The following GDPD4 variants were observed in gnomAD, a reference collection of about 807,000 sequenced individuals.
The protein encoded by GDPD4 is glycerophosphodiester phosphodiesterase 6.
GDPD4 carries 60 observed loss-of-function variants against 67.8 expected under a neutral mutation model. The ratio of observed to expected loss-of-function variants is 0.88; its 90% confidence interval spans 0.72 to 1.10. The LOEUF (loss-of-function observed/expected upper bound fraction) is 1.10. Ranked by LOEUF, GDPD4 falls within the 50% of genes least tolerant of loss-of-function variation. The probability of loss-of-function intolerance (pLI) is 0.00; values close to 1 mark genes in which losing one functional copy is unlikely to be tolerated. For synonymous variants in GDPD4, 212 were observed against 210.9 expected, an observed-to-expected ratio of 1.00 and a Z score of -0.04; for missense variants, 623 against 613.9, an observed-to-expected ratio of 1.01 and a Z score of -0.16.
At chr11:77,262,854 CAAAA>C (rs67911054) in intron 10 of GDPD4, among the ~76,000 whole-genome samples, 4 of 67,002 alleles carry the variant, frequency 6.0e-5, no homozygotes, top group Non-Finnish European at 1.0e-4. Flanking sequence ...TTCTCTGCTG[CAAAA>C]AAAAAAAAAA....
chr11:77,245,489 T>C lies in GDPD4; in HGVS notation c.878A>G (p.Tyr293Cys), dbSNP rs1958763456. 1 of 1,613,278 alleles carries C rather than the reference T, an allele frequency of 6.2e-7. No individual in the cohort carries two copies. Among genetic ancestry groups the C allele is most frequent in the Admixed American group, 1.7e-5 (1 of 59,976 alleles). ...WFVKPELRPF[Y>C]NMKPLSEADK... ...TGCCTCTGATAGAGGTTTCATATTG[T>C]AAAATGGCCTGAGCTAGAAACAAAT... Residue 293 changes from tyrosine to cysteine, a missense_variant, in exon 12 of 17, where the codon TAC becomes TGC. By Grantham distance (194) the Tyr-to-Cys change is radical. Coordinates refer to ENST00000315938, the MANE Select transcript of GDPD4 (RefSeq NM_182833.3).
At chr11:77,292,121 C>CAAA (rs3051013) in intron 1 of GDPD4, among the ~76,000 whole-genome samples, 150 of 149,270 alleles carry the variant, frequency 1.0e-3, no homozygotes, top group East Asian at 9.8e-4. Context: ...TGCAAAATGA[C>CAAA]AAAAAAAAAC....
At chr11:77,221,085 G>C (rs182783531) in intron 16 of GDPD4, among the ~76,000 whole-genome samples, 163 of 131,380 alleles carry the variant, frequency 1.2e-3, no homozygotes, top group African/African-American at 4.4e-3. Context: ...ATTTCTGTGG[G>C]ATCAGTGGTG....
rs377470122 is a variant in GDPD4 at position 77,231,930 on chromosome 11, A to G, written c.1389+1095T>C. ...GACCAAGCCACCATAGTAAGAAGTCAGCGATTTCTCCTGTCTACCAGAGGG... is the reference window on the plus strand; with the variant it reads ...GACCAAGCCACCATAGTAAGAAGTCGGCGATTTCTCCTGTCTACCAGAGGG... On this transcript the variant is annotated intron_variant, in intron 14 of 16. Transcript: ENST00000315938. Among the ~76,000 whole-genome samples the G allele has an allele frequency of 5.3e-5, 8 of 152,190 alleles. No homozygotes were observed. The East Asian group carries it at 1.2e-3, about 22-fold the overall frequency.
chr11:77,268,553 G>T lies in GDPD4; in HGVS notation c.625-14C>A. On this transcript the variant is annotated splice_polypyrimidine_tract_variant and intron_variant, in intron 9 of 16. Coordinates refer to ENST00000315938, the MANE Select transcript of GDPD4 (RefSeq NM_182833.3). ...CTCAGGCCCCAACTGTAGAAGAAAA[G>T]GACATCAGGCCCTAAGCCTCAGAGT... The T allele has an allele frequency of 6.3e-7, 1 of 1,584,008 alleles. No individual in the cohort carries two copies. The highest frequency in any genetic ancestry group is 8.7e-7 in the Non-Finnish European group (1 of 1,153,440).
In GDPD4 at chr11:77,221,431, GTCTTTTTTCTCATTGGTTTCAAAGACCA is replaced by G. The variant is rs773402202; in HGVS notation, c.1526-4145_1526-4118del. ...TGTCCCAGAGATTCTGGTATGTTATGTCTTTTTTCTCATTGGTTTCAAAGACCATCTTTATTTCTGCCTTCATTTCGTT... is the reference window on the plus strand; with the variant it reads ...TGTCCCAGAGATTCTGGTATGTTATGTCTTTATTTCTGCCTTCATTTCGTT... On this transcript the variant is annotated intron_variant, in intron 16 of 16. Coordinates refer to ENST00000315938, the MANE Select transcript of GDPD4 (RefSeq NM_182833.3). 9.1e-3 allele frequency among the ~76,000 whole-genome samples: 1,386 copies of G among 152,194 alleles called. 16 individuals are homozygous for G. The highest frequency in any genetic ancestry group is 0.032 in the African/African-American group (1,325 of 41,474).
intron 11 of GDPD4, among the ~76,000 whole-genome samples, chr11:77,255,785 G>A (rs2135856155): frequency 6.6e-6 from 1 of 151,808 alleles, no homozygotes; most frequent in African/African-American, 2.4e-5. Flanking sequence ...TGCTCGAATT[G>A]GAACCCGGGA....
intron 1 of GDPD4, among the ~76,000 whole-genome samples, chr11:77,295,421 C>G (rs1937921071): frequency 6.6e-6 from 1 of 151,586 alleles, no homozygotes; most frequent in African/African-American, 2.4e-5. Flanking sequence ...CACTTGAGCC[C>G]AGGAATTTGA....
intron 16 of GDPD4, among the ~76,000 whole-genome samples, chr11:77,224,542 C>G (rs932967483): frequency 4.6e-5 from 7 of 152,142 alleles, no homozygotes; most frequent in Non-Finnish European, 1.0e-4. Flanking sequence ...ACTTGAGGGT[C>G]ACCTCTAGGA....
rs531187242 is a variant in GDPD4, at chr11:77,269,906, C to T, written c.455G>A (p.Cys152Tyr). 3.3e-5 allele frequency: 53 copies of T among 1,587,118 alleles called. No individual in the cohort carries two copies. The South Asian group carries it at 5.2e-4, about 16-fold the overall frequency. ...ACCTCTTAACCTTGTGATTACATTA[C>T]ATTGCTTGAGTCTTTTTTTCTCAGA... ...THSEKKRLKQCNVITRLRGLQ... is the reference protein window; with the variant it reads ...THSEKKRLKQYNVITRLRGLQ... Residue 152 changes from cysteine to tyrosine, a missense_variant, in exon 8 of 17, where the codon TGT becomes TAT. Transcript: ENST00000315938.
intron 14 of GDPD4, among the ~76,000 whole-genome samples, chr11:77,232,612 A>G (rs1958474687): frequency 6.6e-6 from 1 of 152,170 alleles, no homozygotes. Context: ...CCCACTCTCC[A>G]TGCCGTTGTC....
intron 13 of GDPD4, among the ~76,000 whole-genome samples, chr11:77,242,720 G>A (rs1338081807): frequency 6.6e-6 from 1 of 151,872 alleles, no homozygotes; most frequent in Non-Finnish European, 1.5e-5. Flanking sequence ...ATAGAAATAT[G>A]CTCAAAATAG....
chr11:77,239,812 A>T (rs1958630145), intron 13 of GDPD4, among the ~76,000 whole-genome samples: 1 of 152,044 alleles, frequency 6.6e-6, no homozygotes, highest in East Asian at 1.9e-4. Context: ...AATATAAAAA[A>T]TTAGCAGGGT....
At chr11:77,298,264 C>T (rs1386117948) in intron 1 of GDPD4, among the ~76,000 whole-genome samples, 1 of 152,216 alleles carries the variant, frequency 6.6e-6, no homozygotes, top group African/African-American at 2.4e-5. Flanking sequence ...GTAATCCCAG[C>T]ACTTTGGGAG....
intron 15 of GDPD4, among the ~76,000 whole-genome samples, chr11:77,228,499 C>CAAAAAAAAAA (rs58364800): frequency 7.5e-5 from 2 of 26,640 alleles, no homozygotes; most frequent in Non-Finnish European, 6.3e-5. Context: ...GACTCCGTCT[C>CAAAAAAAAAA]AAAAAAAAAA....
chr11:77,230,872 C>A (rs1439052453), intron 14 of GDPD4, among the ~76,000 whole-genome samples: 1 of 152,170 alleles, frequency 6.6e-6, no homozygotes, highest in African/African-American at 2.4e-5. Context: ...GGAACATCAG[C>A]AAACATAACA....
chr11:77,270,617 G>A (rs1400865082), intron 7 of GDPD4, among the ~76,000 whole-genome samples: 1 of 152,192 alleles, frequency 6.6e-6, no homozygotes, highest in East Asian at 1.9e-4. Flanking sequence ...GCTGAGGCTG[G>A]AGAATCGCTT....
intron 4 of GDPD4, among the ~76,000 whole-genome samples, chr11:77,277,196 C>A (rs1959510201): frequency 6.6e-6 from 1 of 150,758 alleles, no homozygotes; most frequent in Non-Finnish European, 1.5e-5. Flanking sequence ...TGCCCTACAG[C>A]ACATCCTTCA....
In GDPD4 at chr11:77,271,414, TCTC is replaced by T; in HGVS notation, c.208-24_208-22del. On this transcript the variant is annotated intron_variant, in intron 5 of 16. Transcript: ENST00000315938. The stretch of plus-strand genomic sequence containing the variant: ...AGGATCTAGGGAAACAGAAAAAAAA[TCTC>T]CTGACTTCAAGCACTAGGCTTGGAT... 4.1e-6 allele frequency: 6 copies of T among 1,460,106 alleles called. No individual in the cohort carries two copies. The South Asian group carries it at 4.5e-5, about 11-fold the overall frequency. 90.4% of individuals were successfully genotyped at this position (1,460,106 alleles called of 1,614,324 possible).
Sources: gnomAD v4.1 joint callset for allele counts (sites outside exome capture counted in the v4.1 genomes callset) on GRCh38, gnomAD v4.1.1 for gene constraint, MANE v1.5 for transcripts, NCBI Gene and HGNC (gene_info 2026-07-23, HGNC 2026-07-21) for gene names.